CPEB3: variants seen among roughly 807,000 people sequenced by gnomAD.
The protein encoded by CPEB3 is cytoplasmic polyadenylation element binding protein 3, also known as cytoplasmic polyadenylation element-binding protein 3.
Under a neutral mutation model 67.2 loss-of-function variants are expected in CPEB3, and 20 were observed. The ratio of observed to expected loss-of-function variants is 0.30; its 90% CI spans 0.21 to 0.43. The LOEUF is 0.43. CPEB3 is among the 20% of genes least tolerant of loss of function. The pLI is 1.00. For synonymous variants in CPEB3, 376 were observed against 393.1 expected (o/e 0.96, Z 0.51); for missense variants, 746 against 968.6 (o/e 0.77, Z 3.05).
In CPEB3 at chr10:92,121,408, AGCG is replaced by A. The variant is rs1300652104; in HGVS notation, c.1454-10217_1454-10215del. ...TATTATATATATATAATAGAGAGACAGCGCGTGAGCGAGCATGCACGCAAAAAT... is the reference window on the plus strand; with the variant it reads ...TATTATATATATATAATAGAGAGACACGTGAGCGAGCATGCACGCAAAAAT... On this transcript the variant is annotated intron_variant, in intron 6 of 9. Coordinates refer to ENST00000265997, the MANE Select transcript of CPEB3 (RefSeq NM_014912.5). Among the ~76,000 whole-genome samples, 18 of 74,240 alleles carry A rather than the reference AGCG, an allele frequency of 2.4e-4. No homozygotes were observed. The South Asian group carries it at 4.6e-3, about 19-fold the overall frequency. The allele number at this position is 74,240 out of a possible 152,430, so 48.7% of individuals were successfully genotyped here.
intron 6 of CPEB3, among the ~76,000 whole-genome samples, chr10:92,117,082 T>C (rs1259149747): frequency 2.0e-5 from 3 of 152,162 alleles, no homozygotes; most frequent in Admixed American, 6.6e-5. Flanking sequence ...TGGAGTGCAG[T>C]GGTGCGATCT....
rs145589770 is a variant in CPEB3 at position 92,217,622 on chromosome 10, C to T, written c.1005+21724G>A. Among the ~76,000 whole-genome samples the T allele has an allele frequency of 1.3e-3, 198 of 152,110 alleles. 3 individuals are homozygous for T. The East Asian group carries it at 0.028, about 22-fold the overall frequency. ...ACTAAAAATACAAAAATTAGCTGGG[C>T]GTGGTGGCACATGCCTGTAATCCCA... On this transcript the variant is annotated intron_variant, in intron 2 of 9. Transcript: ENST00000265997.
chr10:92,107,457 C>T lies in CPEB3; in HGVS notation c.1572+3619G>A, dbSNP rs77174258. Reference sequence around the variant, plus strand: ...ACATGTTCTAGAACCTTAAATAGCTCCTTCTCCACCTTCTTTTCAAGATTA... The same window carrying T: ...ACATGTTCTAGAACCTTAAATAGCTTCTTCTCCACCTTCTTTTCAAGATTA... On this transcript the variant is annotated intron_variant, in intron 7 of 9. Coordinates refer to ENST00000265997, the MANE Select transcript of CPEB3 (RefSeq NM_014912.5). 3.3e-5 allele frequency among the ~76,000 whole-genome samples: 5 copies of T among 152,316 alleles called. No homozygotes were observed. The East Asian group carries it at 9.6e-4, about 29-fold the overall frequency.
intron 3 of CPEB3, among the ~76,000 whole-genome samples, chr10:92,190,064 G>T (rs1274012519): frequency 6.6e-6 from 1 of 151,876 alleles, no homozygotes; most frequent in African/African-American, 2.4e-5. Flanking sequence ...AATCACCTGA[G>T]GTCAGAAGTT....
chr10:92,245,499 A>G (rs962051555), intron 1 of CPEB3, among the ~76,000 whole-genome samples: 1 of 152,172 alleles, frequency 6.6e-6, no homozygotes, highest in African/African-American at 2.4e-5. Flanking sequence ...ATCAGTTTGA[A>G]TGAATCCACC....
At chr10:92,088,341 C>T (rs1206732086) in intron 8 of CPEB3, among the ~76,000 whole-genome samples, 1 of 151,592 alleles carries the variant, frequency 6.6e-6, no homozygotes, top group African/African-American at 2.4e-5. Flanking sequence ...GTTCTCCTGC[C>T]TCAGCCCCCC....
intron 9 of CPEB3, among the ~76,000 whole-genome samples, chr10:92,055,476 G>A (rs1842075033): frequency 1.3e-5 from 2 of 152,120 alleles, no homozygotes; most frequent in Admixed American, 6.6e-5. Context: ...TTGCTAAAAT[G>A]TACTAGTCCC....
Position 92,240,099 on chromosome 10 carries a change from A to T in CPEB3, c.252T>A (p.His84Gln). Residue 84 changes from histidine (H) to glutamine (Q), a missense_variant, in exon 2 of 10, where the codon CAT becomes CAA. Physicochemically the swap from His to Gln is conservative, Grantham distance 24 (BLOSUM62 0). Transcript: ENST00000265997. ...ESPLLPGLSF[H>Q]QPPQQPPPPQ... is the part of the protein sequence containing the mutation. Reference sequence around the variant, plus strand: ...GCGGCGGCGGCTGCTGAGGAGGCTGATGGAAACTCAAGCCTGGCAGGAGCG... The same window carrying T: ...GCGGCGGCGGCTGCTGAGGAGGCTGTTGGAAACTCAAGCCTGGCAGGAGCG... 6.3e-7 allele frequency: 1 copy of T among 1,579,464 alleles called. No individual in the cohort carries two copies. Among genetic ancestry groups the T allele is most frequent in the Non-Finnish European group, 8.6e-7 (1 of 1,162,354 alleles).
intron 1 of CPEB3, among the ~76,000 whole-genome samples, chr10:92,275,949 C>A (rs549358316): frequency 6.7e-6 from 1 of 149,790 alleles, no homozygotes; most frequent in Non-Finnish European, 1.5e-5. Context: ...CCTGGGTTCA[C>A]GCCATTCTCC....
intron 3 of CPEB3, among the ~76,000 whole-genome samples, chr10:92,191,593 C>CT (rs1336327519): frequency 3.9e-5 from 6 of 152,146 alleles, no homozygotes; most frequent in Non-Finnish European, 8.8e-5. Flanking sequence ...GTCATTCACA[C>CT]TATAATATGG....
intron 2 of CPEB3, among the ~76,000 whole-genome samples, chr10:92,214,721 C>T (rs1195580107): frequency 2.6e-5 from 4 of 151,432 alleles, no homozygotes; most frequent in African/African-American, 9.7e-5. Flanking sequence ...CCTGACCTCA[C>T]GTGATCCGCC....
Position 92,239,300 on chromosome 10 carries a change from G to T in CPEB3, c.1005+46C>A, listed in dbSNP as rs41290164. ...ATTAAAAGTCAGAGAAGTGGCAAAA[G>T]GAGCGGGGCAGAGGGAAGGAGTGTG... On this transcript the variant is annotated intron_variant, in intron 2 of 9. Coordinates refer to ENST00000265997, the MANE Select transcript of CPEB3 (RefSeq NM_014912.5). This position sits in a 1 kb window ranked among gnomAD's most constrained non-coding sequence, Gnocchi z 6.0. 0.031 allele frequency: 48,726 copies of T among 1,568,846 alleles called. 892 individuals carry two copies. Among genetic ancestry groups the T allele is most frequent in the Non-Finnish European group, 0.038 (43,817 of 1,154,506 alleles).
chr10:92,152,393 C>T (rs1252105251), intron 4 of CPEB3, among the ~76,000 whole-genome samples: 3 of 152,196 alleles, frequency 2.0e-5, no homozygotes, highest in Non-Finnish European at 4.4e-5. Flanking sequence ...CATACAAATA[C>T]GTGACTCTTG....
chr10:92,136,502 T>TA (rs1180924261), intron 6 of CPEB3, among the ~76,000 whole-genome samples: 6 of 152,122 alleles, frequency 3.9e-5, no homozygotes, highest in Non-Finnish European at 8.8e-5. Flanking sequence ...AAAAAACTAA[T>TA]AATCTGATTT....
intron 3 of CPEB3, among the ~76,000 whole-genome samples, chr10:92,187,367 T>C (rs1322440483): frequency 6.6e-6 from 1 of 152,182 alleles, no homozygotes; most frequent in Non-Finnish European, 1.5e-5. Context: ...CCATGAATGG[T>C]GAGGGAAGAG....
intron 1 of CPEB3, among the ~76,000 whole-genome samples, chr10:92,286,877 T>C (rs976343961): frequency 1.3e-5 from 2 of 152,200 alleles, no homozygotes; most frequent in African/African-American, 4.8e-5. Context: ...TTAAATTTTC[T>C]GACATATTTA....
intron 2 of CPEB3, among the ~76,000 whole-genome samples, chr10:92,227,893 T>C (rs1426765899): frequency 6.6e-6 from 1 of 150,518 alleles, no homozygotes; most frequent in Non-Finnish European, 1.5e-5. Context: ...GCCCGGCCTA[T>C]TTTTTTCTTT....
At chr10:92,161,852 G>A (rs929159708) in intron 4 of CPEB3, among the ~76,000 whole-genome samples, 6 of 151,282 alleles carry the variant, frequency 4.0e-5, no homozygotes, top group Non-Finnish European at 7.4e-5. Flanking sequence ...CAATAGAGAT[G>A]GGGTTTCATC....
chr10:92,246,327 C>T (rs1852065388), intron 1 of CPEB3, among the ~76,000 whole-genome samples: 1 of 150,454 alleles, frequency 6.6e-6, no homozygotes, highest in African/African-American at 2.4e-5. Flanking sequence ...GAGCGAGACT[C>T]CGTCTCAAAA....
Sources: gnomAD v4.1 joint callset for allele counts (sites outside exome capture counted in the v4.1 genomes callset) on GRCh38, gnomAD v4.1.1 for gene constraint, Gnocchi (gnomAD v3.1) non-coding constraint, MANE v1.5 for transcripts, NCBI Gene and HGNC (gene_info 2026-07-23, HGNC 2026-07-21) for gene names.